Variants in COL24A1 observed in about 807,000 individuals in gnomAD.
The protein encoded by COL24A1 is collagen alpha-1(XXIV) chain.
COL24A1 carries 224 observed loss-of-function variants against 253.9 expected under a neutral mutation model. The ratio of observed to expected loss-of-function variants is 0.88; its 90% CI spans 0.79 to 0.99. COL24A1 has a LOEUF of 0.99. Among genes scored for constraint, COL24A1 ranks in the 50% least tolerant of loss-of-function variants. The pLI, the probability that COL24A1 is intolerant of heterozygous loss-of-function variation, is 0.00. For synonymous variants in COL24A1, 685 were observed against 673.7 expected (o/e 1.02, Z -0.26); for missense variants, 2,131 against 2,068.5 (o/e 1.03, Z -0.59).
chr1:86,041,588 A>G (rs1452224586), intron 12 of COL24A1, among the ~76,000 whole-genome samples: 1 of 152,128 alleles, frequency 6.6e-6, no homozygotes, highest in Non-Finnish European at 1.5e-5. Flanking sequence ...AAAGGAAGCT[A>G]CTTGGAGTGA....
Position 85,921,637 on chromosome 1 carries a change from G to T in COL24A1, c.2563-10204C>A, listed in dbSNP as rs923753469. On this transcript the variant is annotated intron_variant, in intron 24 of 59. Transcript: ENST00000370571. ...GGAATAGCATCAACATCAACGAAAA[G>T]GACATCCACACAAAAACCCCACCTG... Among the ~76,000 whole-genome samples, 14 of 152,232 alleles carry T rather than the reference G, an allele frequency of 9.2e-5. No homozygotes were observed. The East Asian group carries it at 2.1e-3, about 23-fold the overall frequency.
intron 24 of COL24A1, among the ~76,000 whole-genome samples, chr1:85,945,080 C>CA (rs1689205016): frequency 8.4e-6 from 1 of 119,128 alleles, no homozygotes; most frequent in Non-Finnish European, 1.6e-5. Context: ...GGCAGTGGCA[C>CA]AATCTCGGCT....
At chr1:85,895,162 C>A (rs927943031) in intron 31 of COL24A1, among the ~76,000 whole-genome samples, 1 of 152,020 alleles carries the variant, frequency 6.6e-6, no homozygotes, top group Non-Finnish European at 1.5e-5. Context: ...GTGGGTAAAT[C>A]TTTAACATTT....
chr1:85,994,762 A>G (rs1694618721), intron 19 of COL24A1, among the ~76,000 whole-genome samples: 1 of 152,252 alleles, frequency 6.6e-6, no homozygotes, highest in South Asian at 2.1e-4. Context: ...ACTTTAGCAC[A>G]GGGAAGCATG....
chr1:85,731,780 ATAGT>A (rs1331787101), intron 59 of COL24A1, among the ~76,000 whole-genome samples: 5 of 152,334 alleles, frequency 3.3e-5, no homozygotes, highest in East Asian at 1.9e-4. Context: ...AAAAATGTAG[ATAGT>A]TAGTAAATTC....
rs966252079 is a variant in COL24A1, at chr1:86,031,875, C to A, written c.2049+3G>T. 1 of 1,601,138 alleles carries A rather than the reference C, an allele frequency of 6.2e-7. No homozygotes were observed. The highest frequency in any genetic ancestry group is 8.5e-7 in the Non-Finnish European group (1 of 1,173,410). On this transcript the variant is annotated splice_donor_region_variant and intron_variant, in intron 14 of 59. Transcript: ENST00000370571. ...AAGAATGATGATATTTAGTGATACT[C>A]ACTCTAAGCCCAGGAAACCCCGGAG...
chr1:86,141,451 T>A (rs1202293527), intron 2 of COL24A1, among the ~76,000 whole-genome samples: 1 of 152,122 alleles, frequency 6.6e-6, no homozygotes, highest in Non-Finnish European at 1.5e-5. Flanking sequence ...AAAATTGACA[T>A]ACAAAATTGT....
At chr1:85,814,008 T>G (rs1213889641) in intron 47 of COL24A1, among the ~76,000 whole-genome samples, 1 of 152,150 alleles carries the variant, frequency 6.6e-6, no homozygotes, top group African/African-American at 2.4e-5. Context: ...ACTCTTTGCT[T>G]GGGGTGTTCT....
rs779986630 is a variant in COL24A1 at position 85,868,545 on chromosome 1, C to T, written c.3274G>A (p.Gly1092Ser). Residue 1092 changes from glycine to serine, a missense_variant, in exon 37 of 60, where the codon GGT becomes AGT. Coordinates refer to ENST00000370571, the MANE Select transcript of COL24A1 (RefSeq NM_152890.7). ...MGLPGIIGPLGRSGQTGLPGP... is the reference protein window; with the variant it reads ...MGLPGIIGPLSRSGQTGLPGP... ...GGAAGGCCTGTTTGGCCTGATCTAC[C>T]CAAGGGTCCTATAATTCCTGGTAAG... 3.1e-6 allele frequency: 5 copies of T among 1,613,818 alleles called. No homozygotes were observed. In the East Asian group the frequency reaches 1.1e-4, roughly 36 times the overall value.
intron 19 of COL24A1, among the ~76,000 whole-genome samples, chr1:86,002,947 T>G (rs575208487): frequency 6.6e-6 from 1 of 152,250 alleles, no homozygotes; most frequent in Admixed American, 6.5e-5. Flanking sequence ...GCTGCTAGCT[T>G]TGAGCAGCAC....
intron 3 of COL24A1, among the ~76,000 whole-genome samples, chr1:86,118,331 G>A (rs1213775414): frequency 6.6e-6 from 1 of 152,108 alleles, no homozygotes; most frequent in African/African-American, 2.4e-5. Flanking sequence ...CCAAAGTGCT[G>A]GGATTACAGG....
In COL24A1 at chr1:86,126,178, T is replaced by C. The variant is rs771801743; in HGVS notation, c.158A>G (p.Lys53Arg). The C allele has an allele frequency of 3.1e-6, 5 of 1,604,700 alleles. No individual in the cohort carries two copies. Among genetic ancestry groups the C allele is most frequent in the East Asian group, 2.2e-5 (1 of 44,842 alleles). ...DILHQLGLGG[K>R]DVRHSSPATA... ...CGCTGGTGATGAGTGTCTTACGTCT[T>C]TGCCTCCAAGGCCTAGTTGATGAAG... Residue 53 changes from lysine to arginine, a missense_variant, in exon 3 of 60, where the codon AAA becomes AGA. Coordinates refer to ENST00000370571, the MANE Select transcript of COL24A1 (RefSeq NM_152890.7).
chr1:85,811,310 C>T (rs1275696487), intron 47 of COL24A1, among the ~76,000 whole-genome samples: 1 of 152,118 alleles, frequency 6.6e-6, no homozygotes, highest in African/African-American at 2.4e-5. Context: ...ATGATGAATA[C>T]ATTAATTTGC....
At position 85,790,183 on chromosome 1, in the gene COL24A1, G is replaced by T. The variant is rs528028643; in HGVS notation, c.3952-3722C>A. Among the ~76,000 whole-genome samples, 85 of 152,098 alleles carry T rather than the reference G, an allele frequency of 5.6e-4. 1 individual carries two copies. The Middle Eastern group carries it at 0.017, about 30-fold the overall frequency. ...TTCAGTTACGAATCCATCTAGTTCT[G>T]GGTTTATTTTTGGTTGATAGGCTAT... On this transcript the variant is annotated intron_variant, in intron 47 of 59. Transcript: ENST00000370571.
rs774694829 is a variant in COL24A1, at chr1:86,057,966, C to T, written c.1816G>A (p.Gly606Arg). 3.7e-6 allele frequency: 6 copies of T among 1,612,706 alleles called. No individual in the cohort carries two copies. The highest frequency in any genetic ancestry group is 5.1e-6 in the Non-Finnish European group (6 of 1,179,222). ...TTAGGACCTGGATTACCTTCTGGTC[C>T]AGCTAAACCCTGGTGTAAACAAAAG... Reference protein sequence around the residue: ...PGYPGRQGLAGPEGNPGPKGA... With the variant: ...PGYPGRQGLARPEGNPGPKGA... The change falls in exon 10 of 60, where the codon GGA (glycine) becomes AGA (arginine). Residue 606 changes from glycine to arginine, a missense_variant. By Grantham distance (125) the Gly-to-Arg change is moderately radical (BLOSUM62 -2). Transcript: ENST00000370571.
At chr1:85,989,378 C>G (rs909506286) in intron 19 of COL24A1, among the ~76,000 whole-genome samples, 1 of 151,812 alleles carries the variant, frequency 6.6e-6, no homozygotes, top group African/African-American at 2.4e-5. Context: ...CCCACCACCA[C>G]CACGACCATC....
intron 53 of COL24A1, among the ~76,000 whole-genome samples, chr1:85,771,024 T>C (rs1040730776): frequency 3.9e-5 from 6 of 152,230 alleles, no homozygotes; most frequent in Non-Finnish European, 7.3e-5. Context: ...CACACAGTGA[T>C]CCGGGAAGAA....
chr1:85,932,104 A>G (rs1571270716), intron 24 of COL24A1, among the ~76,000 whole-genome samples: 5 of 84,136 alleles, frequency 5.9e-5, no homozygotes, highest in African/African-American at 8.7e-5. Flanking sequence ...ATTAAACTAA[A>G]GAGCTTCTGC....
At chr1:85,884,810 T>C (rs1682280433) in intron 32 of COL24A1, among the ~76,000 whole-genome samples, 2 of 152,190 alleles carry the variant, frequency 1.3e-5, no homozygotes, top group Non-Finnish European at 2.9e-5. Context: ...ATGCTTACTA[T>C]CCCTCTCCCT....
Sources: allele counts gnomAD v4.1 joint callset (sites outside exome capture counted in the v4.1 genomes callset), GRCh38; gene constraint gnomAD v4.1.1; transcripts MANE v1.5; gene names NCBI Gene and HGNC (gene_info 2026-07-23, HGNC 2026-07-21).